The following IFRD1 variants were observed in gnomAD, a reference collection of about 807,000 sequenced individuals.
The protein encoded by IFRD1 is interferon related developmental regulator 1, also known as interferon-related developmental regulator 1.
Under a neutral mutation model 52.9 loss-of-function variants are expected in IFRD1, and 35 were observed. The ratio of observed to expected loss-of-function variants is 0.66; its 90% CI spans 0.51 to 0.88. The LOEUF (loss-of-function observed/expected upper bound fraction) is 0.88. Among genes scored for constraint, IFRD1 ranks in the 40% least tolerant of loss-of-function variants. The pLI is 0.00. For synonymous variants in IFRD1, 184 were observed against 188.4 expected, an observed-to-expected ratio of 0.98 and a Z score of 0.19; for missense variants, 517 against 550.8, an observed-to-expected ratio of 0.94 and a Z score of 0.61.
chr7:112,451,047 G>A, intron 1 of IFRD1: 3 of 494,566 alleles, frequency 6.1e-6, no homozygotes, highest in Non-Finnish European at 1.1e-5. Flanking sequence ...AGTGTGTCGG[G>A]ACAGGGGCTG....
intron 5 of IFRD1, among the ~76,000 whole-genome samples, chr7:112,460,517 T>A (rs1760960912): frequency 6.6e-6 from 1 of 152,076 alleles, no homozygotes; most frequent in African/African-American, 2.4e-5. Flanking sequence ...GTGTTGAGAT[T>A]ATGGGTGTGA....
chr7:112,454,602 T>G (rs1019053721), intron 1 of IFRD1, among the ~76,000 whole-genome samples: 1 of 152,130 alleles, frequency 6.6e-6, no homozygotes, highest in Non-Finnish European at 1.5e-5. Context: ...TTTTAAGCCT[T>G]TTTTGTCTTC....
intron 1 of IFRD1, chr7:112,437,059 T>G (rs1794717827): frequency 2.0e-5 from 3 of 153,658 alleles, no homozygotes; most frequent in African/African-American, 7.2e-5. Context: ...CAAACAATCC[T>G]CTCACCACAG....
chr7:112,471,904 C>T (rs1795757713), intron 9 of IFRD1, among the ~76,000 whole-genome samples: 1 of 152,058 alleles, frequency 6.6e-6, no homozygotes, highest in Non-Finnish European at 1.5e-5. Flanking sequence ...CCATCCTAGG[C>T]CATTAAAAAC....
intron 1 of IFRD1, among the ~76,000 whole-genome samples, chr7:112,454,034 A>G (rs1294669546): frequency 6.6e-6 from 1 of 152,184 alleles, no homozygotes; most frequent in Non-Finnish European, 1.5e-5. Context: ...AGAATTTGGG[A>G]CTTAATTTAA....
At chr7:112,461,783 C>T (rs543084635) in intron 5 of IFRD1, 83 bp from the exon 6 acceptor site, 26 of 761,878 alleles carry the variant, frequency 3.4e-5, no homozygotes, top group South Asian at 1.2e-4. Flanking sequence ...AACATTTTCA[C>T]GTTGAATTAT....
chr7:112,462,182 A>T lies in IFRD1; in HGVS notation c.797+3A>T. Reference sequence around the variant, plus strand: ...GAAGTGAAGAAAAAGCTTGAGATGTATGTATTTTTAGTTTCATATTTTATA... The same window carrying T: ...GAAGTGAAGAAAAAGCTTGAGATGTTTGTATTTTTAGTTTCATATTTTATA... On this transcript the variant is annotated splice_donor_region_variant and intron_variant, in intron 7 of 11. Coordinates refer to ENST00000403825, the MANE Select transcript of IFRD1 (RefSeq NM_001550.4). 1 of 1,613,462 alleles carries T rather than the reference A, an allele frequency of 6.2e-7. No individual in the cohort carries two copies.
rs564629125 is a variant in IFRD1, at chr7:112,450,708, G to T, written c.20G>T (p.Arg7Leu). Reference protein sequence around the residue: MPKNKKRNTPHRGSSAG... With the variant: MPKNKKLNTPHRGSSAG... ...CCCACGATGCCGAAGAACAAGAAGC[G>T]GAACACTCCCCACCGCGGTAGCAGT... Residue 7 changes from arginine (R) to leucine (L), a missense_variant, in exon 1 of 12, where the codon CGG becomes CTG. Coordinates refer to ENST00000403825, the MANE Select transcript of IFRD1 (RefSeq NM_001550.4). The T allele has an allele frequency of 1.9e-6, 3 of 1,612,936 alleles. No homozygotes were observed. In the East Asian group the frequency reaches 6.7e-5, roughly 36 times the overall value.
upstream of IFRD1, chr7:112,446,320 A>G (rs1177832585): frequency 1.1e-4 from 23 of 216,540 alleles, no homozygotes; most frequent in East Asian, 2.5e-3. Context: ...ACAGTATTTC[A>G]GGACAGCCAG....
At chr7:112,446,528 T>C (rs1268775399), upstream of IFRD1, among the ~76,000 whole-genome samples, 2 of 152,178 alleles carry the variant, frequency 1.3e-5, no homozygotes, top group Non-Finnish European at 2.9e-5. Context: ...AAATATTAAG[T>C]AGTGCGATGT....
chr7:112,461,767 G>C, intron 5 of IFRD1, 99 bp from the exon 6 acceptor site: 1 of 682,776 alleles, frequency 1.5e-6, no homozygotes, highest in East Asian at 2.8e-5. Context: ...ATATTATGCT[G>C]CTGAGAACAT....
At chr7:112,443,275 G>A (rs1794938471) in intron 1 of IFRD1, among the ~76,000 whole-genome samples, 1 of 152,104 alleles carries the variant, frequency 6.6e-6, no homozygotes, top group Non-Finnish European at 1.5e-5. Flanking sequence ...ACTACCACAC[G>A]GAGAAAGCTG....
intron 1 of IFRD1, among the ~76,000 whole-genome samples, chr7:112,434,218 T>C (rs1281988235): frequency 6.6e-6 from 1 of 152,212 alleles, no homozygotes. Context: ...CTCATTTTCA[T>C]TGAGGTCCCC....
intron 8 of IFRD1, among the ~76,000 whole-genome samples, chr7:112,463,238 GTAAC>G (rs1795489454): frequency 6.6e-6 from 1 of 152,112 alleles, no homozygotes; most frequent in South Asian, 2.1e-4. Flanking sequence ...TGGGAAATGG[GTAAC>G]TAAATAGTAG....
In IFRD1 at chr7:112,456,075, C is replaced by G. The variant is rs776453886; in HGVS notation, c.273C>G (p.Thr91=). 13 of 1,594,786 alleles carry G rather than the reference C, an allele frequency of 8.2e-6. No homozygotes were observed. Among genetic ancestry groups the G allele is most frequent in the Non-Finnish European group, 8.6e-7 (1 of 1,162,596 alleles). ...AGTTGAAGGGATTAATTGACCTAAC[C>G]CTGGATAAGAGGTAGGCAATACTGG... The part of the protein sequence containing the change: ...EYKLKGLIDL[T]LDKSAKTRQA... The change falls in exon 3 of 12, where the codon ACC becomes ACG. Residue 91 remains threonine (T), a synonymous_variant. Coordinates refer to ENST00000403825, the MANE Select transcript of IFRD1 (RefSeq NM_001550.4).
chr7:112,447,083 G>A (rs543043402), upstream of IFRD1, among the ~76,000 whole-genome samples: 2 of 152,300 alleles, frequency 1.3e-5, no homozygotes, highest in East Asian at 3.9e-4. Flanking sequence ...AACCTTTCAT[G>A]TTTATGCCTT....
Position 112,475,611 on chromosome 7 carries a change from A to C in IFRD1, c.*92A>C. On this transcript the variant is annotated 3_prime_UTR_variant, in exon 12 of 12. Coordinates refer to ENST00000403825, the MANE Select transcript of IFRD1 (RefSeq NM_001550.4). ...TAGACACAGTTTTTATCCTGGATTA[A>C]CTTAGATAACTTTTGTAGCAGTGGT... The C allele has an allele frequency of 1.3e-6, 1 of 763,556 alleles. No individual in the cohort carries two copies. Among genetic ancestry groups the C allele is most frequent in the Non-Finnish European group, 2.2e-6 (1 of 450,782 alleles). The allele number at this position is 763,556 out of a possible 1,614,324, so 47.3% of individuals were successfully genotyped here.
intron 1 of IFRD1, among the ~76,000 whole-genome samples, chr7:112,424,367 G>A (rs1584459234): frequency 6.6e-6 from 1 of 152,066 alleles, no homozygotes; most frequent in Admixed American, 6.6e-5. Context: ...TTGCTGTGTA[G>A]GGAGTGTCTG....
chr7:112,423,985 G>T (rs1794375754), intron 1 of IFRD1, among the ~76,000 whole-genome samples: 1 of 152,170 alleles, frequency 6.6e-6, no homozygotes, highest in Non-Finnish European at 1.5e-5. Context: ...ACGAGAGCGG[G>T]ATCTGTTATA....
Sources: gnomAD v4.1 joint callset for allele counts (sites outside exome capture counted in the v4.1 genomes callset) on GRCh38, gnomAD v4.1.1 for gene constraint, MANE v1.5 for transcripts, NCBI Gene and HGNC (gene_info 2026-07-23, HGNC 2026-07-21) for gene names.